Variants in NAA60 observed in about 807,000 individuals in gnomAD.
NAA60 encodes N-alpha-acetyltransferase 60.
A neutral mutation model predicts 26.1 loss-of-function variants in NAA60; 8 were observed. The observed-to-expected ratio is 0.31, with a 90% confidence interval of 0.18 to 0.55. The LOEUF (loss-of-function observed/expected upper bound fraction) is 0.55, where lower values mean the gene tolerates loss of function less well. Among genes scored for constraint, NAA60 ranks in the 20% least tolerant of loss-of-function variants. The pLI is 0.93. For synonymous variants in NAA60, 131 were observed against 122.5 expected (o/e 1.07, Z -0.46); for missense variants, 290 against 311.3 (o/e 0.93, Z 0.51).
chr16:3,485,266 C>G, intron 7 of NAA60: 1 of 621,168 alleles, frequency 1.6e-6, no homozygotes, highest in South Asian at 1.5e-5. Flanking sequence ...GGGCTGTGCA[C>G]CCGACTTTGG....
At chr16:3,468,694 A>G (rs899664392) in intron 2 of NAA60, among the ~76,000 whole-genome samples, 1 of 152,228 alleles carries the variant, frequency 6.6e-6, no homozygotes, top group Non-Finnish European at 1.5e-5. Flanking sequence ...CGGAAGGCGG[A>G]GAACTGCGAT....
At chr16:3,485,149 A>G (rs752013467) in intron 7 of NAA60, 88 bp downstream of exon 7, 17 of 831,064 alleles carry the variant, frequency 2.0e-5, no homozygotes, top group South Asian at 4.3e-5. Flanking sequence ...AGAACGGCAG[A>G]GCCGGAAGGG....
intron 2 of NAA60, chr16:3,457,969 C>T (rs1240154530): frequency 4.1e-6 from 4 of 984,982 alleles, no homozygotes; most frequent in African/African-American, 1.7e-5. Flanking sequence ...GGCGGGGCCA[C>T]GTGGGGGCGG....
At chr16:3,458,642 C>G (rs1349247928) in intron 2 of NAA60, among the ~76,000 whole-genome samples, 4 of 152,196 alleles carry the variant, frequency 2.6e-5, no homozygotes, top group Non-Finnish European at 4.4e-5. Flanking sequence ...GTACTTGTTG[C>G]GCCGATTGGA....
intron 2 of NAA60, among the ~76,000 whole-genome samples, chr16:3,464,523 A>G (rs1309099021): frequency 2.0e-5 from 3 of 152,120 alleles, no homozygotes; most frequent in Non-Finnish European, 2.9e-5. Context: ...TGCTGTGTCC[A>G]TCTCGCCCGC....
intron 2 of NAA60, among the ~76,000 whole-genome samples, chr16:3,458,605 C>A (rs375872173): frequency 2.6e-5 from 4 of 152,218 alleles, no homozygotes; most frequent in East Asian, 1.9e-4. Flanking sequence ...GCCCCGCTCT[C>A]GCCTGGCCTG....
intron 4 of NAA60, among the ~76,000 whole-genome samples, chr16:3,481,106 T>G (rs2036800616): frequency 6.6e-6 from 1 of 152,054 alleles, no homozygotes; most frequent in Non-Finnish European, 1.5e-5. Context: ...AAAGCAAGTG[T>G]CAACATTCTT....
chr16:3,461,356 G>A (rs1403676412), intron 2 of NAA60, among the ~76,000 whole-genome samples: 3 of 152,254 alleles, frequency 2.0e-5, no homozygotes, highest in African/African-American at 4.8e-5. Flanking sequence ...GCCCCCCTGC[G>A]GAGGTGGGCA....
chr16:3,483,823 G>A (rs143660287), intron 6 of NAA60: 118 of 548,046 alleles, frequency 2.2e-4, no homozygotes, highest in Middle Eastern at 4.8e-4. Context: ...GAACTCCTAA[G>A]CTCAAATGAT....
intron 3 of NAA60, among the ~76,000 whole-genome samples, chr16:3,477,659 G>A (rs1378645570): frequency 3.3e-5 from 5 of 150,910 alleles, no homozygotes; most frequent in African/African-American, 9.7e-5. Flanking sequence ...AAATTGGGCC[G>A]GGCGCAGTGG....
intron 2 of NAA60, among the ~76,000 whole-genome samples, chr16:3,474,649 C>A (rs147305239): frequency 2.4e-3 from 362 of 152,316 alleles, no homozygotes; most frequent in African/African-American, 7.6e-3. Flanking sequence ...AGATAAAAGA[C>A]GAGGTCTTTC....
intron 5 of NAA60, 51 bp from the exon 6 acceptor site, chr16:3,483,312 C>A (rs1367901823): frequency 1.4e-6 from 2 of 1,381,936 alleles, no homozygotes; most frequent in Non-Finnish European, 2.0e-6. Flanking sequence ...GCCCAGTCAT[C>A]CTTCCTTCCT....
In NAA60 at chr16:3,485,829, G is replaced by T. The variant is rs2037121919; in HGVS notation, c.*569G>T. On this transcript the variant is annotated 3_prime_UTR_variant, in exon 8 of 8. Transcript: ENST00000407558. Reference sequence around the variant, plus strand: ...CTCCTCCATGAGGGGCTGATGAGGGGTGGGCAGCCTGGGGGAGGCTTTCCT... The same window carrying T: ...CTCCTCCATGAGGGGCTGATGAGGGTTGGGCAGCCTGGGGGAGGCTTTCCT... 3 of 367,836 alleles carry T rather than the reference G, an allele frequency of 8.2e-6. No homozygotes were observed. Among genetic ancestry groups the T allele is most frequent in the South Asian group, 2.0e-5 (1 of 49,856 alleles). The allele number at this position is 367,836 out of a possible 1,614,324, so 22.8% of individuals were successfully genotyped here.
intron 2 of NAA60, among the ~76,000 whole-genome samples, chr16:3,470,416 A>G (rs1442042634): frequency 6.6e-6 from 1 of 152,162 alleles, no homozygotes; most frequent in Admixed American, 6.5e-5. Context: ...TAATTCTCGC[A>G]GATGTTCAGG....
At chr16:3,484,492 A>G in intron 6 of NAA60, 1 of 638,912 alleles carries the variant, frequency 1.6e-6, no homozygotes, top group East Asian at 2.8e-5. Flanking sequence ...TTCTGTCCCC[A>G]GACCCCACCC....
At chr16:3,484,633 C>T (rs1334596216) in intron 6 of NAA60, 66 bp from the exon 7 acceptor site, 1 of 1,541,846 alleles carries the variant, frequency 6.5e-7, no homozygotes, top group Non-Finnish European at 8.8e-7. Flanking sequence ...CTGCGCGGGC[C>T]CCTGATGACT....
At chr16:3,457,858 C>T (rs1044362314) in intron 2 of NAA60, 105 of 552,854 alleles carry the variant, frequency 1.9e-4, no homozygotes, top group Non-Finnish European at 2.3e-4. Context: ...AGCCGGCCCT[C>T]ACCAGTGCCC....
chr16:3,466,112 C>T (rs1226894724), intron 2 of NAA60, among the ~76,000 whole-genome samples: 1 of 152,248 alleles, frequency 6.6e-6, no homozygotes, highest in Non-Finnish European at 1.5e-5. Flanking sequence ...AGCACATCGC[C>T]ATCGCGCTTC....
rs570212271 is a variant in NAA60, at chr16:3,448,223, A to G, written c.-76-248A>G. Reference sequence around the variant, plus strand: ...CAGGAGTTCGAGGCTGCAGTGAGCTAGCATTGTGCCACTGCACTCCAGCTT... The same window carrying G: ...CAGGAGTTCGAGGCTGCAGTGAGCTGGCATTGTGCCACTGCACTCCAGCTT... On this transcript the variant is annotated intron_variant, in intron 1 of 7. Transcript: ENST00000407558. 4.7e-5 allele frequency among the ~76,000 whole-genome samples: 7 copies of G among 148,574 alleles called. No individual in the cohort carries two copies. In the East Asian group the frequency reaches 1.2e-3, roughly 26 times the overall value.
Sources: allele counts gnomAD v4.1 joint callset (sites outside exome capture counted in the v4.1 genomes callset), GRCh38; gene constraint gnomAD v4.1.1; transcripts MANE v1.5; gene names NCBI Gene and HGNC (gene_info 2026-07-23, HGNC 2026-07-21).